CFAP20DC: variants seen among roughly 807,000 people sequenced by gnomAD.
CFAP20DC encodes CFAP20 domain containing.
CFAP20DC carries 84 observed loss-of-function variants against 101.7 expected under a neutral mutation model. The ratio of observed to expected loss-of-function variants is 0.83; its 90% CI spans 0.69 to 0.99. The LOEUF (loss-of-function observed/expected upper bound fraction) is 0.99. Ranked by LOEUF, CFAP20DC falls within the 50% of genes least tolerant of loss-of-function variation. The pLI, the probability that CFAP20DC is intolerant of heterozygous loss-of-function variation, is 0.00. For missense variants in CFAP20DC, 1,007 were observed against 970.3 expected (o/e 1.04, Z -0.50); for synonymous variants, 359 against 351.2 (o/e 1.02, Z -0.25).
chr3:58,806,800 G>A lies in CFAP20DC; in HGVS notation c.2176-344C>T, dbSNP rs1375099007. Among the ~76,000 whole-genome samples the A allele has an allele frequency of 2.0e-5, 3 of 152,342 alleles. No individual in the cohort carries two copies. The East Asian group carries it at 5.8e-4, about 29-fold the overall frequency. ...CTCGGGAAGCGCAAGGGATCAGGGA[G>A]TTCCCTTTCCTAGTCAAAGAAAGGG... On this transcript the variant is annotated intron_variant, in intron 14 of 16. Transcript: ENST00000482387.
intron 4 of CFAP20DC, among the ~76,000 whole-genome samples, chr3:58,978,724 A>AAG (rs2092392214): frequency 6.6e-6 from 1 of 151,842 alleles, no homozygotes; most frequent in African/African-American, 2.4e-5. Flanking sequence ...TGCAAAAAAA[A>AAG]AAAAAAAAAA....
At chr3:58,878,280 T>C (rs1321259867) in intron 7 of CFAP20DC, among the ~76,000 whole-genome samples, 3 of 152,192 alleles carry the variant, frequency 2.0e-5, no homozygotes, top group East Asian at 1.9e-4. Context: ...TAAGACACTT[T>C]TTGAAAGGCA....
At chr3:58,745,286 G>C (rs1309902331) in intron 16 of CFAP20DC, among the ~76,000 whole-genome samples, 1 of 152,174 alleles carries the variant, frequency 6.6e-6, no homozygotes, top group East Asian at 1.9e-4. Flanking sequence ...TGAGAGAAAT[G>C]AATAAAGTTA....
intron 7 of CFAP20DC, among the ~76,000 whole-genome samples, chr3:58,871,677 C>T (rs1318810386): frequency 3.9e-5 from 6 of 151,948 alleles, no homozygotes; most frequent in South Asian, 2.1e-4. Flanking sequence ...TAGAGGTACA[C>T]GCCACCATGC....
intron 4 of CFAP20DC, among the ~76,000 whole-genome samples, chr3:58,980,377 C>T (rs987836613): frequency 6.6e-6 from 1 of 152,136 alleles, no homozygotes; most frequent in East Asian, 1.9e-4. Flanking sequence ...CATCCTGATA[C>T]CAAAGGACGG....
intron 4 of CFAP20DC, among the ~76,000 whole-genome samples, chr3:58,993,450 G>A (rs1385528315): frequency 5.3e-5 from 8 of 151,914 alleles, no homozygotes; most frequent in Non-Finnish European, 7.4e-5. Flanking sequence ...TTTAAGTTCA[G>A]GGGTACCTGT....
intron 4 of CFAP20DC, among the ~76,000 whole-genome samples, chr3:59,016,691 GT>G: frequency 6.6e-6 from 1 of 152,170 alleles, no homozygotes; most frequent in East Asian, 1.9e-4. Flanking sequence ...TTTAAAAACA[GT>G]TTTTTAACCC....
At chr3:58,791,566 T>C (rs1469410500) in intron 15 of CFAP20DC, among the ~76,000 whole-genome samples, 2 of 152,168 alleles carry the variant, frequency 1.3e-5, no homozygotes, top group African/African-American at 2.4e-5. Context: ...AATATGAAAA[T>C]ATATGAAATG....
At chr3:58,773,089 C>A (rs2071001146) in intron 15 of CFAP20DC, among the ~76,000 whole-genome samples, 1 of 151,188 alleles carries the variant, frequency 6.6e-6, no homozygotes, top group Admixed American at 6.6e-5. Context: ...GAAAACCCTT[C>A]TGAAATACAG....
At chr3:59,016,137 A>G (rs561709325) in intron 4 of CFAP20DC, among the ~76,000 whole-genome samples, 1 of 152,138 alleles carries the variant, frequency 6.6e-6, no homozygotes, top group Non-Finnish European at 1.5e-5. Context: ...AGTGTCCATC[A>G]ATGAATGAAT....
chr3:58,817,768 C>T (rs2075307081), intron 14 of CFAP20DC, among the ~76,000 whole-genome samples: 1 of 151,926 alleles, frequency 6.6e-6, no homozygotes, highest in African/African-American at 2.4e-5. Context: ...GGCCAACGTT[C>T]AGATTCAGGA....
At chr3:58,955,889 G>T (rs921077831) in intron 4 of CFAP20DC, among the ~76,000 whole-genome samples, 1 of 151,416 alleles carries the variant, frequency 6.6e-6, no homozygotes, top group Non-Finnish European at 1.5e-5. Context: ...GAGGCATGAG[G>T]CCCCCTTTCC....
At chr3:58,888,279 T>C (rs1170604626) in intron 6 of CFAP20DC, among the ~76,000 whole-genome samples, 1 of 152,242 alleles carries the variant, frequency 6.6e-6, no homozygotes, top group African/African-American at 2.4e-5. Context: ...GAGGCTCTAC[T>C]ATGTGCCAGG....
At chr3:58,878,014 C>T (rs2080899048) in intron 7 of CFAP20DC, among the ~76,000 whole-genome samples, 1 of 152,140 alleles carries the variant, frequency 6.6e-6, no homozygotes, top group African/African-American at 2.4e-5. Context: ...GTAACACATA[C>T]GTGGCAAGCA....
chr3:58,806,213 T>C (rs966757245), intron 15 of CFAP20DC, among the ~76,000 whole-genome samples, 182 bp downstream of exon 15: 16 of 152,216 alleles, frequency 1.1e-4, no homozygotes, highest in Admixed American at 2.0e-4. Context: ...TATTTAAACC[T>C]AGGTAGACTG....
chr3:58,930,630 G>C (rs1169541997), intron 5 of CFAP20DC, among the ~76,000 whole-genome samples: 1 of 152,190 alleles, frequency 6.6e-6, no homozygotes, highest in East Asian at 1.9e-4. Context: ...CCTCAGGACA[G>C]AGCCTTAAAC....
intron 4 of CFAP20DC, among the ~76,000 whole-genome samples, chr3:58,938,969 T>C (rs571373294): frequency 2.6e-5 from 4 of 152,280 alleles, no homozygotes; most frequent in African/African-American, 9.6e-5. Context: ...ACTATGGCAG[T>C]ATTATACCCT....
Position 59,006,034 on chromosome 3 carries a change from A to G in CFAP20DC, c.278+33523T>C, listed in dbSNP as rs1448678687. Among the ~76,000 whole-genome samples the G allele has an allele frequency of 6.6e-6, 1 of 152,202 alleles. No homozygotes were observed. Among genetic ancestry groups the G allele is most frequent in the Non-Finnish European group, 1.5e-5 (1 of 68,048 alleles). On this transcript the variant is annotated intron_variant, in intron 4 of 16. Coordinates refer to ENST00000482387, the MANE Select transcript of CFAP20DC (RefSeq NM_001394063.1). This position sits in a 1 kb window ranked among gnomAD's most constrained non-coding sequence, Gnocchi z 4.3. ...ATTCACAAGATGGAATTACTCCTCA[A>G]TGAAAAGTACTTTTAAATATCCCTA...
At chr3:59,048,142 T>C (rs1295782494) in intron 1 of CFAP20DC, among the ~76,000 whole-genome samples, 1 of 152,164 alleles carries the variant, frequency 6.6e-6, no homozygotes, top group Non-Finnish European at 1.5e-5. Flanking sequence ...GAAAGGGGAA[T>C]TAAATAAGAT....
Sources: gnomAD v4.1 joint callset for allele counts (sites outside exome capture counted in the v4.1 genomes callset) on GRCh38, gnomAD v4.1.1 for gene constraint, Gnocchi (gnomAD v3.1) non-coding constraint, MANE v1.5 for transcripts, NCBI Gene and HGNC (gene_info 2026-07-23, HGNC 2026-07-21) for gene names.